PCDH9: variants seen among roughly 807,000 people sequenced by gnomAD.
PCDH9 encodes protocadherin 9, also known as protocadherin-9.
Under a neutral mutation model 70.6 loss-of-function variants are expected in PCDH9, and 24 were observed. The ratio of observed to expected loss-of-function variants is 0.34; its 90% CI spans 0.25 to 0.48. PCDH9 has a LOEUF of 0.48. Ranked by LOEUF, PCDH9 falls within the 20% of genes least tolerant of loss-of-function variation. The pLI is 0.99. For missense variants in PCDH9, 1,281 were observed against 1,503.6 expected, an observed-to-expected ratio of 0.85 and a Z score of 2.45; for synonymous variants, 562 against 558.5, an observed-to-expected ratio of 1.01 and a Z score of -0.09.
intron 2 of PCDH9, among the ~76,000 whole-genome samples, chr13:67,169,686 A>T (rs1250058200): frequency 6.6e-6 from 1 of 152,238 alleles, no homozygotes; most frequent in Non-Finnish European, 1.5e-5. Context: ...CTATTAAAAA[A>T]TTCAACAAAG....
chr13:66,460,393 C>T (rs1348787664), intron 4 of PCDH9, among the ~76,000 whole-genome samples: 2 of 151,898 alleles, frequency 1.3e-5, no homozygotes, highest in East Asian at 1.9e-4. Context: ...TCTGCACCTG[C>T]CCAGTACCTG....
At position 66,738,547 on chromosome 13, in the gene PCDH9, C is replaced by A. The variant is rs1205025204; in HGVS notation, c.3139-107136G>T. Reference sequence around the variant, plus strand: ...CTTCAGACGATCAAATTACTCTGAGCTACGGGAGGACATTCAAACGAAAGG... The same window carrying A: ...CTTCAGACGATCAAATTACTCTGAGATACGGGAGGACATTCAAACGAAAGG... On this transcript the variant is annotated intron_variant, in intron 3 of 4. Coordinates refer to ENST00000377865, the MANE Select transcript of PCDH9 (RefSeq NM_203487.3). 3.9e-4 allele frequency among the ~76,000 whole-genome samples: 50 copies of A among 128,754 alleles called. No individual in the cohort carries two copies. The Admixed American group carries it at 4.1e-3, about 11-fold the overall frequency. The allele number at this position is 128,754 out of a possible 152,430, so 84.5% of individuals were successfully genotyped here.
intron 4 of PCDH9, among the ~76,000 whole-genome samples, chr13:66,332,398 A>G (rs962760331): frequency 2.6e-5 from 4 of 152,000 alleles, no homozygotes; most frequent in Non-Finnish European, 5.9e-5. Flanking sequence ...CCCTTTCATT[A>G]ATACAATCTA....
chr13:66,955,901 G>A (rs1277205845), intron 2 of PCDH9, among the ~76,000 whole-genome samples: 1 of 151,996 alleles, frequency 6.6e-6, no homozygotes, highest in African/African-American at 2.4e-5. Flanking sequence ...ACACCGGCCT[G>A]GCCAATATGG....
intron 3 of PCDH9, among the ~76,000 whole-genome samples, chr13:66,671,407 C>T (rs1049277602): frequency 1.1e-4 from 16 of 152,052 alleles, no homozygotes; most frequent in African/African-American, 3.9e-4. Context: ...CAGAAGAAGA[C>T]AGGAAAATGT....
intron 3 of PCDH9, among the ~76,000 whole-genome samples, chr13:66,828,934 C>A (rs1231662957): frequency 6.6e-6 from 1 of 151,962 alleles, no homozygotes; most frequent in Admixed American, 6.6e-5. Context: ...GGATGTTTAT[C>A]TCTATTAGGT....
chr13:66,853,615 T>C (rs1218863900), intron 3 of PCDH9, among the ~76,000 whole-genome samples: 1 of 152,196 alleles, frequency 6.6e-6, no homozygotes, highest in African/African-American at 2.4e-5. Flanking sequence ...TCCAGTGTAG[T>C]TTCACTATGA....
intron 4 of PCDH9, among the ~76,000 whole-genome samples, chr13:66,617,976 G>A (rs371294882): frequency 5.9e-5 from 9 of 152,260 alleles, no homozygotes; most frequent in South Asian, 2.1e-4. Context: ...GGTCCCTGGG[G>A]AAACTCTAGC....
At chr13:66,349,455 C>T (rs79105991) in intron 4 of PCDH9, among the ~76,000 whole-genome samples, 2,496 of 152,244 alleles carry the variant, frequency 0.016, 65 homozygotes, top group African/African-American at 0.057. Flanking sequence ...CACTTTATAT[C>T]GGAGTGTGGC....
intron 4 of PCDH9, among the ~76,000 whole-genome samples, chr13:66,497,738 A>G (rs1959138677): frequency 6.6e-6 from 1 of 152,058 alleles, no homozygotes; most frequent in Non-Finnish European, 1.5e-5. Flanking sequence ...CTTACACAGC[A>G]GCAATTTGCT....
chr13:66,798,175 C>G (rs1231387587), intron 3 of PCDH9, among the ~76,000 whole-genome samples: 1 of 152,080 alleles, frequency 6.6e-6, no homozygotes, highest in Admixed American at 6.6e-5. Flanking sequence ...ACACTCTTAA[C>G]CAACACAAAT....
At chr13:66,859,684 G>C (rs1485111782) in intron 3 of PCDH9, among the ~76,000 whole-genome samples, 1 of 152,114 alleles carries the variant, frequency 6.6e-6, no homozygotes, top group East Asian at 1.9e-4. Flanking sequence ...ATATTAACCT[G>C]AGTGTGAAGG....
At chr13:67,086,741 G>C (rs1439113282) in intron 2 of PCDH9, among the ~76,000 whole-genome samples, 1 of 152,110 alleles carries the variant, frequency 6.6e-6, no homozygotes, top group Non-Finnish European at 1.5e-5. Context: ...AGATGTCCCA[G>C]AGGAAGTGAC....
At chr13:67,100,198 A>T (rs1003095197) in intron 2 of PCDH9, among the ~76,000 whole-genome samples, 16 of 152,300 alleles carry the variant, frequency 1.1e-4, no homozygotes, top group African/African-American at 3.8e-4. Context: ...TTAATTAATT[A>T]GATTATATGC....
Position 66,741,974 on chromosome 13 carries a change from C to A in PCDH9, c.3139-110563G>T, listed in dbSNP as rs1370949624. ...ATCAAGCTACCAATGACTGTCTTCA[C>A]AGAATTGGAAAAAACTACTTTAAAG... On this transcript the variant is annotated intron_variant, in intron 3 of 4. Coordinates refer to ENST00000377865, the MANE Select transcript of PCDH9 (RefSeq NM_203487.3). Among the ~76,000 whole-genome samples, 6 of 149,350 alleles carry A rather than the reference C, an allele frequency of 4.0e-5. No homozygotes were observed. The East Asian group carries it at 1.2e-3, about 29-fold the overall frequency.
chr13:66,687,045 G>T (rs2078413832), intron 3 of PCDH9, among the ~76,000 whole-genome samples: 1 of 152,006 alleles, frequency 6.6e-6, no homozygotes, highest in Admixed American at 6.6e-5. Flanking sequence ...TATAGTTTTG[G>T]GAACTGCAAA....
chr13:66,875,912 T>C (rs1040841207), intron 3 of PCDH9, among the ~76,000 whole-genome samples: 1 of 152,210 alleles, frequency 6.6e-6, no homozygotes, highest in African/African-American at 2.4e-5. Flanking sequence ...CAGCCTGTCA[T>C]GTCCTGAAGT....
intron 3 of PCDH9, among the ~76,000 whole-genome samples, chr13:66,772,655 C>T (rs929261617): frequency 6.6e-6 from 1 of 151,774 alleles, no homozygotes; most frequent in African/African-American, 2.4e-5. Flanking sequence ...TTCTAAATGT[C>T]ACAAAGGGGC....
chr13:66,503,538 TA>T (rs1206734085), intron 4 of PCDH9, among the ~76,000 whole-genome samples: 1 of 152,184 alleles, frequency 6.6e-6, no homozygotes, highest in East Asian at 1.9e-4. Flanking sequence ...TCATTTTTTG[TA>T]AAAGAGAGCA....
Sources: allele counts gnomAD v4.1 joint callset (sites outside exome capture counted in the v4.1 genomes callset), GRCh38; gene constraint gnomAD v4.1.1; transcripts MANE v1.5; gene names NCBI Gene and HGNC (gene_info 2026-07-23, HGNC 2026-07-21).